EP400: variants seen among roughly 807,000 people sequenced by gnomAD.
The protein encoded by EP400 is E1A-binding protein p400.
Under a neutral mutation model 354.1 loss-of-function variants are expected in EP400, and 105 were observed. That is an observed-to-expected ratio of 0.30 (90% CI 0.25 to 0.35). EP400 has a LOEUF of 0.35. Among genes scored for constraint, EP400 ranks in the 10% least tolerant of loss-of-function variants. EP400 has a pLI of 1.00. For synonymous variants in EP400, 1,646 were observed against 1,716.9 expected (o/e 0.96, Z 1.02); for missense variants, 3,280 against 4,121.0 (o/e 0.80, Z 5.59).
chr12:132,017,653 G>T lies in EP400; in HGVS notation c.4042G>T (p.Val1348Leu), dbSNP rs572102484. 5 of 1,601,754 alleles carry T rather than the reference G, an allele frequency of 3.1e-6. No individual in the cohort carries two copies. The Admixed American group carries it at 8.6e-5, about 27-fold the overall frequency. ...GCCCCGGCACCCAGGCTCTTCCTACGTGGCGGGGCCACTGGAGTATCCGTC... is the reference window on the plus strand; with the variant it reads ...GCCCCGGCACCCAGGCTCTTCCTACTTGGCGGGGCCACTGGAGTATCCGTC... ...VEPRHPGSSY[V>L]AGPLEYPSAS... Residue 1348 changes from valine (V) to leucine (L), a missense_variant, in exon 20 of 53, where the codon GTG becomes TTG. Physicochemically the swap from Val to Leu is conservative, Grantham distance 32. Transcript: ENST00000389561. This position sits in a 1 kb window ranked among gnomAD's most constrained non-coding sequence, Gnocchi z 5.0.
chr12:132,018,324 A>G lies in EP400; in HGVS notation c.4225A>G (p.Thr1409Ala), dbSNP rs1894013598. 2 of 1,613,338 alleles carry G rather than the reference A, an allele frequency of 1.2e-6. No homozygotes were observed. Among genetic ancestry groups the G allele is most frequent in the East Asian group, 4.5e-5 (2 of 44,878 alleles). ...GCGGAAACTCATGGAGGAAATCTCC[A>G]CTTCAGCAGCCCCAGCAGCCCGACC... Reference protein sequence around the residue: ...IPRKLMEEISTSAAPAARPAA... With the variant: ...IPRKLMEEISASAAPAARPAA... Residue 1409 changes from threonine to alanine, a missense_variant, in exon 21 of 53, where the codon ACT becomes GCT. Thr to Ala is a moderately conservative substitution (Grantham distance 58, BLOSUM62 0). Coordinates refer to ENST00000389561, the MANE Select transcript of EP400 (RefSeq NM_015409.5). This position sits in a 1 kb window ranked among gnomAD's most constrained non-coding sequence, Gnocchi z 4.0.
At chr12:132,020,329 C>G in intron 22 of EP400, 111 bp downstream of exon 22, 1 of 1,275,416 alleles carries the variant, frequency 7.8e-7, no homozygotes, top group Non-Finnish European at 1.1e-6. Context: ...TGAGTGGGAA[C>G]AGGCACCACC....
intron 41 of EP400, 140 bp from the exon 42 acceptor site, chr12:132,053,006 A>G: frequency 1.2e-6 from 1 of 826,010 alleles, no homozygotes. Context: ...TGCAGGGCAC[A>G]TTGGGCACCT....
Position 132,077,968 on chromosome 12 carries a change from T to A in EP400, c.*295T>A. On this transcript the variant is annotated 3_prime_UTR_variant, in exon 53 of 53. Transcript: ENST00000389561. ...CCGCACCCGTCCCCTAGAGCCATAG[T>A]ACTGTGTTCTGAAAGCCATTTAGAA... 2 of 388,482 alleles carry A rather than the reference T, an allele frequency of 5.1e-6. No individual in the cohort carries two copies. The highest frequency in any genetic ancestry group is 9.3e-6 in the Non-Finnish European group (2 of 215,058). 24.1% of individuals were successfully genotyped at this position (388,482 alleles called of 1,614,324 possible).
At position 132,025,836 on chromosome 12, in the gene EP400, C is replaced by A; in HGVS notation, c.5014+32C>A. ...TGCTCTGAGCAGGAGGGAGACTTGG[C>A]TTGGATGCTTCTTTCTCTTCCATCT... On this transcript the variant is annotated intron_variant, in intron 25 of 52. Transcript: ENST00000389561. This position sits in a 1 kb window ranked among gnomAD's most constrained non-coding sequence, Gnocchi z 4.1. 6.5e-7 allele frequency: 1 copy of A among 1,540,160 alleles called. No homozygotes were observed. Among genetic ancestry groups the A allele is most frequent in the Non-Finnish European group, 8.7e-7 (1 of 1,146,732 alleles).
At chr12:132,061,230 C>T (rs1321489343) in intron 45 of EP400, among the ~76,000 whole-genome samples, 2 of 152,114 alleles carry the variant, frequency 1.3e-5, no homozygotes, top group Non-Finnish European at 2.9e-5. Context: ...TAATTCCAGA[C>T]CAGCCACCAG....
Position 132,029,625 on chromosome 12 carries a change from C to T in EP400, c.5382-76C>T. On this transcript the variant is annotated intron_variant, in intron 27 of 52. Coordinates refer to ENST00000389561, the MANE Select transcript of EP400 (RefSeq NM_015409.5). The surrounding 1 kb of genome is among the most constrained non-coding windows in gnomAD (Gnocchi z 4.7). ...GACTTGGACTGTCAGAAGTCTGCCC[C>T]ATCTTTCAGGAGCCCCCATGCTGGG... is the stretch of plus-strand genomic sequence containing the variant. The T allele has an allele frequency of 6.7e-7, 1 of 1,497,204 alleles. No individual in the cohort carries two copies. Among genetic ancestry groups the T allele is most frequent in the Non-Finnish European group, 9.2e-7 (1 of 1,089,444 alleles). 92.7% of individuals were successfully genotyped at this position (1,497,204 alleles called of 1,614,324 possible).
chr12:132,043,228 A>G (rs999525669), intron 32 of EP400, 76 bp from the exon 33 acceptor site: 2 of 1,510,718 alleles, frequency 1.3e-6, no homozygotes, highest in Non-Finnish European at 1.8e-6. Context: ...CATTAACTTT[A>G]CATGGGATAG....
chr12:132,035,067 C>CG lies in EP400; in HGVS notation c.5952-2615_5952-2614insG, dbSNP rs147076762. ...ATCGAGAAGATACATAAAGACCCCC[C>CG]CTTACTCTTAAATAGGAAGGGCCTG... On this transcript the variant is annotated intron_variant, in intron 30 of 52. Transcript: ENST00000389561. Among the ~76,000 whole-genome samples the CG allele has an allele frequency of 1.8e-3, 274 of 152,250 alleles. 4 individuals are homozygous for CG. The East Asian group carries it at 0.049, about 27-fold the overall frequency.
chr12:132,058,181 G>A (rs950852051), intron 45 of EP400, among the ~76,000 whole-genome samples: 3 of 152,092 alleles, frequency 2.0e-5, no homozygotes, highest in South Asian at 2.1e-4. Context: ...AGGGAATGGC[G>A]TGCATGGAGA....
At chr12:131,987,949 A>G in intron 7 of EP400, 59 bp downstream of exon 7, 2 of 1,279,118 alleles carry the variant, frequency 1.6e-6, no homozygotes, top group South Asian at 1.9e-5. Flanking sequence ...TTGAGTTTGC[A>G]GTGGTGTAAG....
chr12:132,042,140 G>T (rs549154462), intron 32 of EP400, among the ~76,000 whole-genome samples: 2 of 151,966 alleles, frequency 1.3e-5, no homozygotes, highest in East Asian at 3.9e-4. Context: ...TAATAGAGAC[G>T]TGGTTTCTCC....
chr12:132,047,441 CA>C (rs1437626460), intron 39 of EP400, among the ~76,000 whole-genome samples: 4 of 151,982 alleles, frequency 2.6e-5, no homozygotes, highest in Non-Finnish European at 4.4e-5. Context: ...GGAAAGAGTA[CA>C]AAAAAGAGAA....
At chr12:131,967,152 G>GCT (rs1216294269) in intron 2 of EP400, among the ~76,000 whole-genome samples, 1 of 150,406 alleles carries the variant, frequency 6.6e-6, no homozygotes. Context: ...GGCCGAAGGG[G>GCT]GGCGGATCAC....
At chr12:131,972,616 GCATT>G (rs922781452) in intron 2 of EP400, among the ~76,000 whole-genome samples, 3 of 151,032 alleles carry the variant, frequency 2.0e-5, no homozygotes, top group Non-Finnish European at 4.4e-5. Context: ...AGACAGGCAC[GCATT>G]TATTTATAAA....
At chr12:132,004,992 G>A in intron 12 of EP400, 85 bp from the exon 13 acceptor site, 1 of 1,022,166 alleles carries the variant, frequency 9.8e-7, no homozygotes, top group Non-Finnish European at 1.5e-6. Context: ...TTCTTACCGT[G>A]GTTCTCCTGG....
intron 30 of EP400, among the ~76,000 whole-genome samples, chr12:132,034,607 G>T (rs1565923607): frequency 6.6e-6 from 1 of 152,192 alleles, no homozygotes; most frequent in African/African-American, 2.4e-5. Context: ...CTGCATAAGG[G>T]TGCTGTTGGT....
intron 45 of EP400, 39 bp from the exon 46 acceptor site, chr12:132,062,071 G>A (rs1183636975): frequency 1.3e-6 from 2 of 1,581,044 alleles, no homozygotes; most frequent in Non-Finnish European, 1.7e-6. Context: ...TGAGTGCTGT[G>A]TGAAATATTT....
At position 132,029,851 on chromosome 12, in the gene EP400, G is replaced by A. The variant is rs749699609; in HGVS notation, c.5532G>A (p.Thr1844=). Reference sequence around the variant, plus strand: ...ACTTCCAGCAGCTGCGGCAGACCACGGCTCCACGCCTGCTGCAGTTCCCTG... The same window carrying A: ...ACTTCCAGCAGCTGCGGCAGACCACAGCTCCACGCCTGCTGCAGTTCCCTG... ...APYFQQLRQT[T]APRLLQFPEL... The change falls in exon 28 of 53, where the codon ACG becomes ACA. Residue 1844 remains threonine (T), a synonymous_variant. Coordinates refer to ENST00000389561, the MANE Select transcript of EP400 (RefSeq NM_015409.5). The surrounding 1 kb of genome is among the most constrained non-coding windows in gnomAD (Gnocchi z 4.7). 9.3e-6 allele frequency: 15 copies of A among 1,612,788 alleles called. No homozygotes were observed. Among genetic ancestry groups the A allele is most frequent in the African/African-American group, 2.7e-5 (2 of 74,934 alleles).
Sources: gnomAD v4.1 joint callset for allele counts (sites outside exome capture counted in the v4.1 genomes callset) on GRCh38, gnomAD v4.1.1 for gene constraint, Gnocchi (gnomAD v3.1) non-coding constraint, MANE v1.5 for transcripts, NCBI Gene and HGNC (gene_info 2026-07-23, HGNC 2026-07-21) for gene names.